LINC00305: variants seen among roughly 807,000 people sequenced by gnomAD.
LINC00305 encodes long intergenic non-protein coding RNA 305.
intron 1 of LINC00305, among the ~76,000 whole-genome samples, chr18:64,114,200 G>A (rs1474768075): frequency 2.6e-5 from 4 of 152,194 alleles, no homozygotes; most frequent in Admixed American, 2.6e-4. Context: ...AACCAGAGAG[G>A]CGGAGCTTGC....
chr18:64,128,428 C>T (rs769881326), intron 1 of LINC00305, among the ~76,000 whole-genome samples: 84 of 152,168 alleles, frequency 5.5e-4, no homozygotes, highest in African/African-American at 1.9e-3. Context: ...GTTGAAAAAC[C>T]TTTACCTACT....
chr18:64,125,526 A>G (rs766968365), intron 1 of LINC00305, among the ~76,000 whole-genome samples: 12 of 152,118 alleles, frequency 7.9e-5, no homozygotes, highest in Non-Finnish European at 1.8e-4. Context: ...TATCATTGCA[A>G]TATGTTTAAT....
chr18:64,135,957 G>A (rs2051431524), intron 1 of LINC00305, among the ~76,000 whole-genome samples: 1 of 152,160 alleles, frequency 6.6e-6, no homozygotes, highest in African/African-American at 2.4e-5. Flanking sequence ...GGGTGGGCAT[G>A]GGGAGGGACG....
intron 1 of LINC00305, among the ~76,000 whole-genome samples, chr18:64,122,001 T>C (rs1169201766): frequency 6.6e-6 from 1 of 152,168 alleles, no homozygotes; most frequent in Non-Finnish European, 1.5e-5. Flanking sequence ...AAATGTCTAT[T>C]AATGTCTTTT....
intron 1 of LINC00305, among the ~76,000 whole-genome samples, chr18:64,120,710 T>G (rs569136490): frequency 9.9e-5 from 15 of 152,276 alleles, no homozygotes; most frequent in Admixed American, 2.0e-4. Context: ...GATAGCAATT[T>G]AGTTATCACG....
intron 3 of LINC00305, among the ~76,000 whole-genome samples, chr18:64,090,514 C>T (rs1266866028): frequency 6.6e-6 from 1 of 152,068 alleles, no homozygotes; most frequent in Admixed American, 6.6e-5. Flanking sequence ...GAAATGTTAC[C>T]CGAAAGGGTT....
intron 1 of LINC00305, among the ~76,000 whole-genome samples, chr18:64,120,056 T>C (rs2144258039): frequency 6.6e-6 from 1 of 152,234 alleles, no homozygotes; most frequent in African/African-American, 2.4e-5. Context: ...TCACCATCAA[T>C]TTTTGAGAAG....
chr18:64,096,858 A>G (rs866370427), intron 3 of LINC00305, among the ~76,000 whole-genome samples: 7 of 152,012 alleles, frequency 4.6e-5, no homozygotes, highest in South Asian at 2.1e-4. Flanking sequence ...GCTTTCTTAG[A>G]AAAATGTTTA....
At chr18:64,139,028 A>G (rs2051448614) in intron 1 of LINC00305, among the ~76,000 whole-genome samples, 1 of 152,180 alleles carries the variant, frequency 6.6e-6, no homozygotes, top group South Asian at 2.1e-4. Flanking sequence ...AACTCCTCAT[A>G]ATAGAACTTT....
At position 64,096,729 on chromosome 18, in the gene LINC00305, A is replaced by T. The variant is rs1289574443; in HGVS notation, n.540+1105T>A. Among the ~76,000 whole-genome samples the T allele has an allele frequency of 3.3e-5, 5 of 151,950 alleles. No individual in the cohort carries two copies. In the South Asian group the frequency reaches 1.0e-3, roughly 31 times the overall value. On this transcript the variant is annotated intron_variant and non_coding_transcript_variant, in intron 3 of 3. Coordinates refer to ENST00000666468, the Ensembl canonical transcript of LINC00305. ...ATTTCCATTCAGGAATGTGGATTTG[A>T]CTATATGACATATTAAAATCTTCTT...
intron 3 of LINC00305, among the ~76,000 whole-genome samples, chr18:64,080,916 AAG>A (rs1272534186): frequency 6.6e-6 from 1 of 152,198 alleles, no homozygotes; most frequent in Non-Finnish European, 1.5e-5. Context: ...ATAAAAGAAA[AAG>A]AAAACTATTT....
rs530202930 is a variant in LINC00305, at chr18:64,104,000, G to A, written n.315-5360C>T. 19 of 152,330 alleles carry A rather than the reference G, an allele frequency of 1.2e-4. No homozygotes were observed. In the East Asian group the frequency reaches 2.3e-3, roughly 19 times the overall value. The allele number at this position is 152,330 out of a possible 1,614,324, so 9.4% of individuals were successfully genotyped here. ...TTTCTTATGTCAATCCATGACTTGC[G>A]TATGTCACAATGGAATCTGGTGTAG... is the stretch of plus-strand genomic sequence containing the variant. On this transcript the variant is annotated intron_variant and non_coding_transcript_variant, in intron 1 of 3. Coordinates refer to ENST00000666468, the Ensembl canonical transcript of LINC00305.
In LINC00305 at chr18:64,082,291, A is replaced by T. The variant is rs191112274; in HGVS notation, n.541-1889T>A. Among the ~76,000 whole-genome samples the T allele has an allele frequency of 2.0e-5, 3 of 152,188 alleles. No individual in the cohort carries two copies. The East Asian group carries it at 5.8e-4, about 29-fold the overall frequency. ...CTGGCCCAATCAGGAACAGAAGACA[A>T]CAGAACAGGGACAGAAGACAACAGA... On this transcript the variant is annotated intron_variant and non_coding_transcript_variant, in intron 3 of 3. Transcript: ENST00000666468.
At chr18:64,088,362 A>G (rs939660911) in intron 3 of LINC00305, among the ~76,000 whole-genome samples, 1 of 152,204 alleles carries the variant, frequency 6.6e-6, no homozygotes, top group Admixed American at 6.5e-5. Context: ...GTACAGTTCT[A>G]AAGAATGGCC....
At chr18:64,130,446 C>T (rs1179875361) in intron 1 of LINC00305, among the ~76,000 whole-genome samples, 4 of 152,134 alleles carry the variant, frequency 2.6e-5, no homozygotes, top group African/African-American at 9.7e-5. Flanking sequence ...ACCTGTTCTA[C>T]CTTTTCAGTT....
chr18:64,105,952 A>C (rs2051288627), intron 1 of LINC00305, among the ~76,000 whole-genome samples: 1 of 152,252 alleles, frequency 6.6e-6, no homozygotes, highest in Non-Finnish European at 1.5e-5. Flanking sequence ...GTGCTTTCTC[A>C]TGTCCTGCAA....
At chr18:64,092,271 T>C (rs1345842874) in intron 3 of LINC00305, among the ~76,000 whole-genome samples, 1 of 152,166 alleles carries the variant, frequency 6.6e-6, no homozygotes, top group East Asian at 1.9e-4. Context: ...TGTAAAACAT[T>C]TGCTGACTAG....
chr18:64,086,113 T>G (rs1340816475), intron 3 of LINC00305, among the ~76,000 whole-genome samples: 1 of 152,226 alleles, frequency 6.6e-6, no homozygotes, highest in African/African-American at 2.4e-5. Context: ...TTGACTAAAG[T>G]GCAGAAAGTT....
At position 64,104,110 on chromosome 18, in the gene LINC00305, A is replaced by G. The variant is rs1219566287; in HGVS notation, n.315-5470T>C. 3.3e-5 allele frequency: 5 copies of G among 152,298 alleles called. No homozygotes were observed. The East Asian group carries it at 9.6e-4, about 29-fold the overall frequency. The allele number at this position is 152,298 out of a possible 1,614,324, so 9.4% of individuals were successfully genotyped here. ...ACCTATGGATATAGGTGGTACCTACATGGGAACACATTGTCTAATACCACC... is the reference window on the plus strand; with the variant it reads ...ACCTATGGATATAGGTGGTACCTACGTGGGAACACATTGTCTAATACCACC... On this transcript the variant is annotated intron_variant and non_coding_transcript_variant, in intron 1 of 3. Transcript: ENST00000666468.
Sources: allele counts gnomAD v4.1 joint callset (sites outside exome capture counted in the v4.1 genomes callset), GRCh38; gene constraint gnomAD v4.1.1; transcripts MANE v1.5; gene names NCBI Gene and HGNC (gene_info 2026-07-23, HGNC 2026-07-21).